SIAE: variants seen among roughly 807,000 people sequenced by gnomAD.
SIAE encodes the protein sialic acid acetylesterase, also known as sialate O-acetylesterase.
Under a neutral mutation model 52.6 loss-of-function variants are expected in SIAE, and 39 were observed. The ratio of observed to expected loss-of-function variants is 0.74; its 90% CI spans 0.57 to 0.97. The LOEUF (loss-of-function observed/expected upper bound fraction) is 0.97, where lower values mean the gene tolerates loss of function less well. SIAE is among the 50% of genes least tolerant of loss of function. The pLI is 0.00. For synonymous variants in SIAE, 233 were observed against 241.4 expected (o/e 0.97, Z 0.32); for missense variants, 592 against 662.1 (o/e 0.89, Z 1.16).
At chr11:124,647,906 G>C (rs1942963279) in intron 6 of SIAE, among the ~76,000 whole-genome samples, 160 bp downstream of exon 6, 1 of 152,164 alleles carries the variant, frequency 6.6e-6, no homozygotes, top group Non-Finnish European at 1.5e-5. Flanking sequence ...GGAATTAGCT[G>C]AAGCAGCCCA....
rs75336231 is a variant in SIAE, at chr11:124,638,521, T to C, written c.1320+21A>G. Reference sequence around the variant, plus strand: ...ACTCCACCACAAAATGAACCCCTGTTTATTCTGCTGTTCTTCTCACCTCAA... The same window carrying C: ...ACTCCACCACAAAATGAACCCCTGTCTATTCTGCTGTTCTTCTCACCTCAA... On this transcript the variant is annotated intron_variant, in intron 9 of 9. Transcript: ENST00000263593. 3.6e-3 allele frequency: 5,809 copies of C among 1,613,266 alleles called. 187 individuals are homozygous for C. The African/African-American group carries it at 0.064, about 18-fold the overall frequency.
rs1942957691 is a variant in SIAE, at chr11:124,647,544, A to T, written c.833-46T>A. 5.6e-6 allele frequency: 9 copies of T among 1,609,320 alleles called. No individual in the cohort carries two copies. The African/African-American group carries it at 6.7e-5, about 12-fold the overall frequency. ...AAAGGGAGTTTGGAGTAGACTGCAA[A>T]AATGACCACACATTACTCTCCTCCC... On this transcript the variant is annotated intron_variant, in intron 6 of 9. Transcript: ENST00000263593.
At chr11:124,656,921 C>T (rs1183226395) in intron 3 of SIAE, among the ~76,000 whole-genome samples, 1 of 152,160 alleles carries the variant, frequency 6.6e-6, no homozygotes, top group Non-Finnish European at 1.5e-5. Flanking sequence ...GCAGCTGGCT[C>T]GCTTTCCACC....
chr11:124,674,735 C>A (rs1006232367), upstream of SIAE: 2 of 152,966 alleles, frequency 1.3e-5, no homozygotes, highest in African/African-American at 4.8e-5. Flanking sequence ...CGAAGGTGTT[C>A]GAAGCATTGT....
intron 1 of SIAE, among the ~76,000 whole-genome samples, chr11:124,669,878 A>G (rs190476901): frequency 7.2e-5 from 11 of 152,146 alleles, no homozygotes; most frequent in Admixed American, 5.9e-4. Context: ...TGCTCCTTTC[A>G]TGCACCTATA....
intron 1 of SIAE, among the ~76,000 whole-genome samples, chr11:124,672,332 G>C (rs1368462367): frequency 6.6e-6 from 1 of 152,196 alleles, no homozygotes; most frequent in East Asian, 1.9e-4. Context: ...TTGGCGAGGA[G>C]CACAATGGCA....
Position 124,654,770 on chromosome 11 carries a change from C to T in SIAE, c.429G>A (p.Leu143=), listed in dbSNP as rs539668129. ...VLQIFNATRE[L]SNTAAYQSVR... ...CAGACTGATATGCCGCAGTGTTAGA[C>T]AACTCCCTTGTAGCATTAAATATCT... Residue 143 remains leucine (L), a synonymous_variant, in exon 4 of 10, where the codon TTG becomes TTA. Coordinates refer to ENST00000263593, the MANE Select transcript of SIAE (RefSeq NM_170601.5). 1.6e-5 allele frequency: 26 copies of T among 1,613,984 alleles called. No homozygotes were observed. The African/African-American group carries it at 3.2e-4, about 20-fold the overall frequency.
At position 124,639,828 on chromosome 11, in the gene SIAE, A is replaced by G. The variant is rs765074995; in HGVS notation, c.1006T>C (p.Phe336Leu). 6.2e-7 allele frequency: 1 copy of G among 1,614,210 alleles called. No homozygotes were observed. Among genetic ancestry groups the G allele is most frequent in the Non-Finnish European group, 8.5e-7 (1 of 1,180,040 alleles). The change falls in exon 8 of 10, where the codon TTT (phenylalanine) becomes CTT (leucine). Residue 336 changes from phenylalanine to leucine, a missense_variant. Transcript: ENST00000263593. ...GTTTGATGCCAACGGATCTGGGGAAATCCATCGTCTGAGCTCTTCTTAGAC... is the reference window on the plus strand; with the variant it reads ...GTTTGATGCCAACGGATCTGGGGAAGTCCATCGTCTGAGCTCTTCTTAGAC... The part of the protein sequence containing the change: ...DLSKKSSDDG[F>L]PQIRWHQTAD...
At position 124,634,992 on chromosome 11, in the gene SIAE, G is replaced by A. The variant is rs1942692296; in HGVS notation, c.*1959C>T. On this transcript the variant is annotated 3_prime_UTR_variant, in exon 10 of 10. Coordinates refer to ENST00000263593, the MANE Select transcript of SIAE (RefSeq NM_170601.5). ...GAAATGCAGTGAATTCCCACATCATGTTTTAAATTACTCAGCCACTAAAAA... is the reference window on the plus strand; with the variant it reads ...GAAATGCAGTGAATTCCCACATCATATTTTAAATTACTCAGCCACTAAAAA... 1 of 152,166 alleles carries A rather than the reference G, an allele frequency of 6.6e-6. No homozygotes were observed. Among genetic ancestry groups the A allele is most frequent in the South Asian group, 2.1e-4 (1 of 4,830 alleles). 9.4% of individuals were successfully genotyped at this position (152,166 alleles called of 1,614,324 possible).
In SIAE at chr11:124,642,750, T is replaced by C. The variant is rs149952040; in HGVS notation, c.967-2883A>G. 9.7e-4 allele frequency among the ~76,000 whole-genome samples: 148 copies of C among 152,346 alleles called. 1 individual carries two copies. The highest frequency in any genetic ancestry group is 3.3e-3 in the African/African-American group (137 of 41,584). Reference sequence around the variant, plus strand: ...TGTATATGGCAAAAGTGAAGGGATTTTGCAGATGTTACAAGTAACGTCCCC... The same window carrying C: ...TGTATATGGCAAAAGTGAAGGGATTCTGCAGATGTTACAAGTAACGTCCCC... On this transcript the variant is annotated intron_variant, in intron 7 of 9. Coordinates refer to ENST00000263593, the MANE Select transcript of SIAE (RefSeq NM_170601.5).
At chr11:124,640,692 T>A (rs1942830598) in intron 7 of SIAE, among the ~76,000 whole-genome samples, 1 of 152,208 alleles carries the variant, frequency 6.6e-6, no homozygotes, top group South Asian at 2.1e-4. Flanking sequence ...GGATTTGCAG[T>A]TCCTCCCGTT....
chr11:124,639,665 C>CAA, intron 8 of SIAE, 45 bp downstream of exon 8: 3 of 1,613,278 alleles, frequency 1.9e-6, no homozygotes, highest in Non-Finnish European at 2.5e-6. Context: ...TGAAAGACTA[C>CAA]AAAGAACATA....
At chr11:124,661,131 A>G (rs1943182777) in intron 2 of SIAE, among the ~76,000 whole-genome samples, 1 of 152,250 alleles carries the variant, frequency 6.6e-6, no homozygotes, top group African/African-American at 2.4e-5. Context: ...AATTCTTATT[A>G]TACTATCCAG....
In SIAE at chr11:124,637,032, G is replaced by A. The variant is rs745823916; in HGVS notation, c.1491C>T (p.Pro497=). 6.2e-7 allele frequency: 1 copy of A among 1,614,168 alleles called. No individual in the cohort carries two copies. The highest frequency in any genetic ancestry group is 1.7e-5 in the Admixed American group (1 of 60,020). The change falls in exon 10 of 10, where the codon CCC becomes CCT. Residue 497 remains proline (P), a synonymous_variant. Transcript: ENST00000263593. ...AGGGAGGGGCTGGCAGGGCACTACT[G>A]GGGTGGTATAGGGGACACTGCTTAT... ...CEYKQCPLYH[P]SSALPAPPFI...
rs117548122 is a variant in SIAE, at chr11:124,638,606, C to T, written c.1256G>A (p.Gly419Glu). The T allele has an allele frequency of 2.7e-4, 442 of 1,614,068 alleles. 5 individuals carry two copies. In the East Asian group the frequency reaches 6.6e-3, roughly 24 times the overall value. ...PEKIELLAHK[G>E]LLNLTYYQQI... Reference sequence around the variant, plus strand: ...CTGGTAATATGTGAGATTGAGCAGCCCCTTGTGAGCCAAGAGTTCTATCTT... The same window carrying T: ...CTGGTAATATGTGAGATTGAGCAGCTCCTTGTGAGCCAAGAGTTCTATCTT... Residue 419 changes from glycine (G) to glutamate (E), a missense_variant, in exon 9 of 10, where the codon GGG becomes GAG. By Grantham distance (98) the Gly-to-Glu change is moderately conservative. Transcript: ENST00000263593.
chr11:124,639,574 G>A, intron 8 of SIAE, 136 bp downstream of exon 8: 2 of 1,058,456 alleles, frequency 1.9e-6, no homozygotes, highest in South Asian at 2.5e-5. Flanking sequence ...GTTTGCTGTT[G>A]TTACTGCAGC....
chr11:124,641,370 G>A (rs898658252), intron 7 of SIAE, among the ~76,000 whole-genome samples: 6 of 152,188 alleles, frequency 3.9e-5, no homozygotes, highest in South Asian at 4.1e-4. Flanking sequence ...GAGAATGGTC[G>A]TTCTGAGAGA....
intron 3 of SIAE, among the ~76,000 whole-genome samples, chr11:124,656,213 TA>T (rs1943096676): frequency 6.6e-6 from 1 of 152,230 alleles, no homozygotes; most frequent in African/African-American, 2.4e-5. Flanking sequence ...AACCCGTATG[TA>T]TTGTTTTTTC....
chr11:124,641,680 C>T (rs1359698791), intron 7 of SIAE, among the ~76,000 whole-genome samples: 6 of 151,990 alleles, frequency 3.9e-5, no homozygotes, highest in African/African-American at 9.7e-5. Flanking sequence ...AAAATAAGGC[C>T]GGGCATGGTG....
Sources: gnomAD v4.1 joint callset for allele counts (sites outside exome capture counted in the v4.1 genomes callset) on GRCh38, gnomAD v4.1.1 for gene constraint, MANE v1.5 for transcripts, NCBI Gene and HGNC (gene_info 2026-07-23, HGNC 2026-07-21) for gene names.